SLC22A8: variants seen among roughly 807,000 people sequenced by gnomAD.
SLC22A8 encodes the protein organic anion transporter 3.
In SLC22A8, 40 loss-of-function variants were observed where a neutral mutation model predicts 48.4. The observed-to-expected ratio is 0.83, with a 90% CI of 0.64 to 1.08. The LOEUF (loss-of-function observed/expected upper bound fraction) is 1.08. Among genes scored for constraint, SLC22A8 ranks in the 50% least tolerant of loss-of-function variants. The pLI, the probability that SLC22A8 is intolerant of heterozygous loss-of-function variation, is 0.00. For synonymous variants in SLC22A8, 268 were observed against 286.3 expected, an observed-to-expected ratio of 0.94 and a Z score of 0.65; for missense variants, 606 against 699.0, an observed-to-expected ratio of 0.87 and a Z score of 1.50.
rs1463830548 is a variant in SLC22A8 at position 62,994,769 on chromosome 11, G to A, written c.1002-13C>T. On this transcript the variant is annotated splice_polypyrimidine_tract_variant and intron_variant, in intron 7 of 10. Coordinates refer to ENST00000336232, the MANE Select transcript of SLC22A8 (RefSeq NM_004254.4). ...ACCGGTAGCAAACCTGAGAGGCAGA[G>A]AAGGATTGGTTAGCACCTGCAGCCA... The A allele has an allele frequency of 6.2e-7, 1 of 1,611,238 alleles. No individual in the cohort carries two copies. The highest frequency in any genetic ancestry group is 8.5e-7 in the Non-Finnish European group (1 of 1,177,414).
chr11:62,994,812 A>C, intron 7 of SLC22A8, 56 bp from the exon 8 acceptor site: 1 of 1,342,196 alleles, frequency 7.5e-7, no homozygotes, highest in South Asian at 1.2e-5. Context: ...GCCACTCCCC[A>C]TGCTGGTCAT....
At chr11:63,006,603 T>G (rs1307706345) in intron 2 of SLC22A8, among the ~76,000 whole-genome samples, 3 of 99,226 alleles carry the variant, frequency 3.0e-5, no homozygotes, top group Non-Finnish European at 5.6e-5. Flanking sequence ...GAGTTTTTTT[T>G]TTTTTTTTTT....
intron 4 of SLC22A8, 100 bp from the exon 5 acceptor site, chr11:62,999,189 C>A (rs1340203861): frequency 1.8e-5 from 19 of 1,034,624 alleles, no homozygotes; most frequent in Non-Finnish European, 2.2e-5. Flanking sequence ...CTACTGACAT[C>A]CTCCCCACGG....
chr11:63,014,259 C>T (rs139179681), intron 2 of SLC22A8, among the ~76,000 whole-genome samples: 2 of 152,304 alleles, frequency 1.3e-5, no homozygotes, highest in Non-Finnish European at 2.9e-5. Context: ...AGTGCAAGGT[C>T]ACTTTGAAGT....
At chr11:63,008,475 A>G (rs1185071850) in intron 2 of SLC22A8, among the ~76,000 whole-genome samples, 1 of 152,152 alleles carries the variant, frequency 6.6e-6, no homozygotes, top group Non-Finnish European at 1.5e-5. Context: ...TCAAAAAGAC[A>G]TCAGTTTCCA....
intron 2 of SLC22A8, among the ~76,000 whole-genome samples, chr11:63,007,790 A>G: frequency 6.6e-6 from 1 of 152,248 alleles, no homozygotes; most frequent in Admixed American, 6.5e-5. Flanking sequence ...CACGATGCTC[A>G]GGAGAAAGCT....
chr11:62,995,614 T>A (rs2086406830), intron 7 of SLC22A8, 90 bp downstream of exon 7: 1 of 862,496 alleles, frequency 1.2e-6, no homozygotes, highest in South Asian at 1.5e-5. Flanking sequence ...CTCTTTCAGA[T>A]GCCCTAGGCC....
intron 5 of SLC22A8, among the ~76,000 whole-genome samples, chr11:62,997,613 G>A (rs757343195): frequency 3.9e-5 from 6 of 152,132 alleles, no homozygotes; most frequent in South Asian, 4.1e-4. Context: ...TCTGCTGATC[G>A]CCCACCCTTA....
intron 8 of SLC22A8, 86 bp downstream of exon 8, chr11:62,994,456 C>G: frequency 1.0e-6 from 1 of 1,003,458 alleles, no homozygotes. Flanking sequence ...AACACAGTGA[C>G]TTAGAGGCAG....
intron 7 of SLC22A8, 71 bp from the exon 8 acceptor site, chr11:62,994,827 T>C: frequency 8.6e-7 from 1 of 1,158,254 alleles, no homozygotes; most frequent in African/African-American, 1.5e-5. Context: ...GGTCATTGGG[T>C]CACCAGGATG....
At chr11:62,995,677 G>T in intron 7 of SLC22A8, 27 bp downstream of exon 7, 2 of 1,529,374 alleles carry the variant, frequency 1.3e-6, no homozygotes, top group Non-Finnish European at 1.8e-6. Context: ...TTCCTTGGCA[G>T]GGTGTGGGCA....
chr11:63,007,944 G>A (rs1291910777), intron 2 of SLC22A8, among the ~76,000 whole-genome samples: 1 of 152,220 alleles, frequency 6.6e-6, no homozygotes, highest in Admixed American at 6.5e-5. Flanking sequence ...ACTCAGGTCT[G>A]CTGGACCCAA....
intron 5 of SLC22A8, among the ~76,000 whole-genome samples, chr11:62,997,621 TTA>T (rs1015584919): frequency 7.2e-5 from 11 of 152,208 alleles, no homozygotes; most frequent in Non-Finnish European, 1.5e-4. Flanking sequence ...TCGCCCACCC[TTA>T]TTTTGCCTCC....
chr11:63,012,528 T>C (rs1485466237), intron 2 of SLC22A8, among the ~76,000 whole-genome samples: 1 of 152,174 alleles, frequency 6.6e-6, no homozygotes, highest in African/African-American at 2.4e-5. Context: ...ATGCCCAGTG[T>C]GGGCATTACT....
At position 63,014,896 on chromosome 11, in the gene SLC22A8, T is replaced by C. The variant is rs778489485; in HGVS notation, c.63A>G (p.Val21=). Residue 21 remains valine, a synonymous_variant, in exon 2 of 11, where the codon GTA becomes GTG. Coordinates refer to ENST00000336232, the MANE Select transcript of SLC22A8 (RefSeq NM_004254.4). Reference sequence around the variant, plus strand: ...TGAGGATCGGGAGGCCCAGTATGGCTACATGCAGGAACTGGAAATGGCCCA... The same window carrying C: ...TGAGGATCGGGAGGCCCAGTATGGCCACATGCAGGAACTGGAAATGGCCCA... ...GSMGHFQFLH[V]AILGLPILNM... is the part of the protein sequence containing the mutation. 12 of 1,595,096 alleles carry C rather than the reference T, an allele frequency of 7.5e-6. No individual in the cohort carries two copies. Among genetic ancestry groups the C allele is most frequent in the Admixed American group, 5.1e-5 (3 of 59,050 alleles).
In SLC22A8 at chr11:62,996,585, A is replaced by G. The variant is rs573069798; in HGVS notation, c.762-433T>C. On this transcript the variant is annotated intron_variant, in intron 5 of 10. Transcript: ENST00000336232. ...GAGAAGAAAGGGCAGGGCTGCAGCC[A>G]CAGGGCAGCTTGGGAGGGGGATGGA... 4.6e-5 allele frequency among the ~76,000 whole-genome samples: 7 copies of G among 152,344 alleles called. No homozygotes were observed. In the East Asian group the frequency reaches 7.7e-4, roughly 17 times the overall value.
chr11:63,015,540 C>G (rs543174934), intron 1 of SLC22A8, among the ~76,000 whole-genome samples, 189 bp downstream of exon 1: 1 of 152,350 alleles, frequency 6.6e-6, no homozygotes, highest in South Asian at 2.1e-4. Flanking sequence ...AAGGCCTCCC[C>G]AAGCTCAGAG....
rs775833621 is a variant in SLC22A8 at position 63,000,712 on chromosome 11, T to A, written c.437+8A>T. 1 of 1,591,332 alleles carries A rather than the reference T, an allele frequency of 6.3e-7. No homozygotes were observed. Among genetic ancestry groups the A allele is most frequent in the African/African-American group, 1.3e-5 (1 of 74,482 alleles). On this transcript the variant is annotated splice_region_variant and intron_variant, in intron 3 of 10. Transcript: ENST00000336232. The stretch of plus-strand genomic sequence containing the variant: ...CATGCTTCCATGGGCTGTGCCCCCA[T>A]GTCTCACCTGTCAGACAGGTCTCCA...
chr11:63,007,969 C>T (rs966879433), intron 2 of SLC22A8, among the ~76,000 whole-genome samples: 4 of 152,320 alleles, frequency 2.6e-5, no homozygotes, highest in East Asian at 1.9e-4. Context: ...CTACCCTTGG[C>T]CCTGAGCACA....
Sources: gnomAD v4.1 joint callset for allele counts (sites outside exome capture counted in the v4.1 genomes callset) on GRCh38, gnomAD v4.1.1 for gene constraint, MANE v1.5 for transcripts, NCBI Gene and HGNC (gene_info 2026-07-23, HGNC 2026-07-21) for gene names.